The following TFPI variants were observed in gnomAD, a reference collection of about 807,000 sequenced individuals.
TFPI encodes the protein anti-convertin.
In TFPI, 15 loss-of-function variants were observed where a neutral mutation model predicts 34.6. The observed-to-expected ratio is 0.43, with a 90% CI of 0.29 to 0.67. TFPI has a LOEUF of 0.67. Among genes scored for constraint, TFPI ranks in the 30% least tolerant of loss-of-function variants. The pLI, the probability that TFPI is intolerant of heterozygous loss-of-function variation, is 0.15. For missense variants in TFPI, 301 were observed against 364.0 expected, an observed-to-expected ratio of 0.83 and a Z score of 1.41; for synonymous variants, 105 against 120.1, an observed-to-expected ratio of 0.87 and a Z score of 0.82.
chr2:187,490,329 G>C (rs1574411512), intron 3 of TFPI, among the ~76,000 whole-genome samples: 1 of 151,480 alleles, frequency 6.6e-6, no homozygotes, highest in African/African-American at 2.4e-5. Flanking sequence ...ACTGAAAAAA[G>C]GTGTCTTGAA....
intron 3 of TFPI, among the ~76,000 whole-genome samples, chr2:187,492,591 C>A (rs1345377684): frequency 6.6e-6 from 1 of 152,152 alleles, no homozygotes. Context: ...CTGCCCAAGA[C>A]CATGGGAGCC....
chr2:187,498,908 T>C (rs555313963), intron 2 of TFPI, among the ~76,000 whole-genome samples: 1 of 152,148 alleles, frequency 6.6e-6, no homozygotes, highest in South Asian at 2.1e-4. Flanking sequence ...TTGAGTTTTA[T>C]GCACATATGC....
rs759801543 is a variant in TFPI, at chr2:187,496,872, G to T, written c.319+9C>A. 1.2e-6 allele frequency: 2 copies of T among 1,612,122 alleles called. No homozygotes were observed. Among genetic ancestry groups the T allele is most frequent in the South Asian group, 2.2e-5 (2 of 90,870 alleles). ...GGGTCTTGAGTAATAAGGGTTCCCAGAAACCTACCTCTTGTACACATTTTT... is the reference window on the plus strand; with the variant it reads ...GGGTCTTGAGTAATAAGGGTTCCCATAAACCTACCTCTTGTACACATTTTT... On this transcript the variant is annotated intron_variant, in intron 3 of 7. Coordinates refer to ENST00000233156, the MANE Select transcript of TFPI (RefSeq NM_006287.6).
intron 1 of TFPI, among the ~76,000 whole-genome samples, chr2:187,532,578 CA>C (rs1688020820): frequency 6.6e-6 from 1 of 152,232 alleles, no homozygotes. Flanking sequence ...ATGGTCTTTG[CA>C]ACCCGCAGAC....
chr2:187,470,373 T>C (rs143490146), intron 6 of TFPI, among the ~76,000 whole-genome samples: 74 of 152,280 alleles, frequency 4.9e-4, no homozygotes, highest in Non-Finnish European at 9.7e-4. Flanking sequence ...ACATACAACC[T>C]ATAGTAAACA....
rs1243252456 is a variant in TFPI at position 187,464,862 on chromosome 2, A to C, written c.*2074T>G. ...CCATAGTAGAAAATGATTTGCAATTATGTGTTAGGACTTTTCATATTCCAT... is the reference window on the plus strand; with the variant it reads ...CCATAGTAGAAAATGATTTGCAATTCTGTGTTAGGACTTTTCATATTCCAT... On this transcript the variant is annotated 3_prime_UTR_variant, in exon 8 of 8. Coordinates refer to ENST00000233156, the MANE Select transcript of TFPI (RefSeq NM_006287.6). 6.6e-6 allele frequency: 1 copy of C among 152,232 alleles called. No individual in the cohort carries two copies. The highest frequency in any genetic ancestry group is 1.5e-5 in the Non-Finnish European group (1 of 68,036). The allele number at this position is 152,232 out of a possible 1,614,324, so 9.4% of individuals were successfully genotyped here.
At chr2:187,536,728 A>T (rs77266270) in intron 1 of TFPI, among the ~76,000 whole-genome samples, 151,671 of 152,300 alleles carry the variant, frequency 1, 75,530 homozygotes, top group East Asian at 1. Flanking sequence ...TTGGAAGTTC[A>T]GGCAAGGGCA....
At chr2:187,513,043 G>A (rs1425675912) in intron 1 of TFPI, among the ~76,000 whole-genome samples, 1 of 152,146 alleles carries the variant, frequency 6.6e-6, no homozygotes. Context: ...TATAAGGAAA[G>A]TAAAATATAC....
chr2:187,553,519 G>T (rs889599674), intron 1 of TFPI, among the ~76,000 whole-genome samples: 3 of 152,058 alleles, frequency 2.0e-5, no homozygotes, highest in African/African-American at 7.2e-5. Context: ...TTCACTAGAA[G>T]CAAACATTTT....
At chr2:187,478,876 G>C in intron 6 of TFPI, 2 of 1,289,278 alleles carry the variant, frequency 1.6e-6, no homozygotes, top group Non-Finnish European at 2.2e-6. Context: ...TCAATGCTGA[G>C]GGTGGGGGAA....
chr2:187,468,009 G>C (rs2105943645), intron 6 of TFPI, 77 bp from the exon 7 acceptor site: 1 of 1,236,818 alleles, frequency 8.1e-7, no homozygotes, highest in Non-Finnish European at 1.1e-6. Context: ...ATTGTTTATA[G>C]ATTAATGTTG....
chr2:187,511,377 C>T (rs1360353540), intron 1 of TFPI, among the ~76,000 whole-genome samples: 1 of 152,116 alleles, frequency 6.6e-6, no homozygotes, highest in Non-Finnish European at 1.5e-5. Context: ...TCTTGATACT[C>T]TGATTTGGTT....
At chr2:187,545,548 G>A (rs1346240022) in intron 1 of TFPI, among the ~76,000 whole-genome samples, 1 of 152,018 alleles carries the variant, frequency 6.6e-6, no homozygotes, top group Non-Finnish European at 1.5e-5. Flanking sequence ...CTCAGACATA[G>A]GAATGTGACC....
Position 187,496,482 on chromosome 2 carries a change from A to C in TFPI, c.319+399T>G, listed in dbSNP as rs8176453. ...AATACTTCACAATTCTTTGAACATG[A>C]GTTGAGGTTTTTTTCTTCTGTCTTT... On this transcript the variant is annotated intron_variant, in intron 3 of 7. Coordinates refer to ENST00000233156, the MANE Select transcript of TFPI (RefSeq NM_006287.6). 3.3e-3 allele frequency among the ~76,000 whole-genome samples: 507 copies of C among 152,238 alleles called. 3 individuals carry two copies. The highest frequency in any genetic ancestry group is 0.012 in the African/African-American group (485 of 41,556).
intron 1 of TFPI, chr2:187,517,880 T>G (rs1236826806): frequency 6.6e-6 from 1 of 152,236 alleles, no homozygotes; most frequent in Non-Finnish European, 1.5e-5. Context: ...CATTGATCCC[T>G]TTACCATTAT....
At chr2:187,507,779 T>C (rs1173238462) in intron 1 of TFPI, among the ~76,000 whole-genome samples, 1 of 152,228 alleles carries the variant, frequency 6.6e-6, no homozygotes, top group Admixed American at 6.5e-5. Flanking sequence ...ACTCTGATGA[T>C]TGTTTCTTTT....
At chr2:187,472,129 T>G (rs1352690723) in intron 6 of TFPI, among the ~76,000 whole-genome samples, 1 of 152,136 alleles carries the variant, frequency 6.6e-6, no homozygotes, top group Non-Finnish European at 1.5e-5. Context: ...ATGGTTTACA[T>G]ATCTCCAAAT....
intron 1 of TFPI, chr2:187,518,618 T>C (rs1283346595): frequency 6.6e-6 from 1 of 152,182 alleles, no homozygotes; most frequent in Non-Finnish European, 1.5e-5. Context: ...TTATGTGTCT[T>C]TGGGTTGCTC....
At chr2:187,503,578 TG>T in intron 2 of TFPI, 69 bp downstream of exon 2, 3 of 1,549,216 alleles carry the variant, frequency 1.9e-6, no homozygotes, top group Non-Finnish European at 2.6e-6. Flanking sequence ...TGGAAAACTA[TG>T]GTAGATTTTT....
Sources: gnomAD v4.1 joint callset for allele counts (sites outside exome capture counted in the v4.1 genomes callset) on GRCh38, gnomAD v4.1.1 for gene constraint, MANE v1.5 for transcripts, NCBI Gene and HGNC (gene_info 2026-07-23, HGNC 2026-07-21) for gene names.